Variants in MYRIP observed in about 807,000 individuals in gnomAD.
MYRIP encodes rab effector MyRIP.
MYRIP carries 49 observed loss-of-function variants against 98.0 expected under a neutral mutation model. That is an observed-to-expected ratio of 0.50 (90% confidence interval 0.40 to 0.63). The LOEUF is 0.63. Among genes scored for constraint, MYRIP ranks in the 30% least tolerant of loss-of-function variants. MYRIP has a pLI of 0.00. For synonymous variants in MYRIP, 404 were observed against 409.5 expected (o/e 0.99, Z 0.16); for missense variants, 1,004 against 1,058.2 (o/e 0.95, Z 0.71).
chr3:40,159,178 A>C (rs983603478), intron 4 of MYRIP, among the ~76,000 whole-genome samples: 2 of 151,782 alleles, frequency 1.3e-5, no homozygotes. Flanking sequence ...GAGCTCTTTT[A>C]GGGCAGGCCT....
chr3:40,244,645 G>A, intron 13 of MYRIP, 38 bp downstream of exon 13: 4 of 1,550,454 alleles, frequency 2.6e-6, no homozygotes, highest in South Asian at 2.5e-5. Flanking sequence ...GGTCCTGCAG[G>A]GTGAAACAGG....
chr3:39,901,999 G>T (rs1220705233), intron 2 of MYRIP, among the ~76,000 whole-genome samples: 1 of 152,102 alleles, frequency 6.6e-6, no homozygotes, highest in Admixed American at 6.5e-5. Context: ...GTGAGAAAGG[G>T]CATGAGTAGA....
At chr3:40,069,610 T>G (rs1948185764) in intron 3 of MYRIP, among the ~76,000 whole-genome samples, 1 of 152,160 alleles carries the variant, frequency 6.6e-6, no homozygotes, top group Admixed American at 6.5e-5. Flanking sequence ...CCCCAGCTCC[T>G]GGCAACTATC....
rs746573780 is a variant in MYRIP at position 40,212,212 on chromosome 3, GTATA to G, written c.1905+2130_1905+2133del. Among the ~76,000 whole-genome samples the G allele has an allele frequency of 4.4e-5, 2 of 45,268 alleles. 1 individual carries two copies. The highest frequency in any genetic ancestry group is 1.2e-4 in the Non-Finnish European group (2 of 16,522). 29.7% of individuals were successfully genotyped at this position (45,268 alleles called of 152,430 possible). A position where few individuals can be genotyped will look rare whatever the true frequency, so the allele number is the denominator to read the frequency against. On this transcript the variant is annotated intron_variant, in intron 11 of 16. Transcript: ENST00000302541. ...TGTATATACATATATATACGTGTGT[GTATA>G]TATATATATACACACACACACACAC...
At chr3:39,854,979 G>A (rs1942242863) in intron 1 of MYRIP, among the ~76,000 whole-genome samples, 1 of 152,206 alleles carries the variant, frequency 6.6e-6, no homozygotes, top group African/African-American at 2.4e-5. Context: ...TTGCAAGGAG[G>A]TGTGTGATGT....
At position 40,184,990 on chromosome 3, in the gene MYRIP, C is replaced by G. The variant is rs141925183; in HGVS notation, c.1027+2617C>G. ...CCCTTGACATGCTAAACTGTCCATG[C>G]CAGCCTCAGAGGTCTTGAGGGATGT... On this transcript the variant is annotated intron_variant, in intron 9 of 16. Coordinates refer to ENST00000302541, the MANE Select transcript of MYRIP (RefSeq NM_015460.4). Among the ~76,000 whole-genome samples, 502 of 152,318 alleles carry G rather than the reference C, an allele frequency of 3.3e-3. 7 individuals carry two copies. Among genetic ancestry groups the G allele is most frequent in the African/African-American group, 0.011 (462 of 41,578 alleles).
intron 2 of MYRIP, among the ~76,000 whole-genome samples, chr3:40,021,727 A>C (rs1436506016): frequency 6.6e-6 from 1 of 152,208 alleles, no homozygotes; most frequent in Non-Finnish European, 1.5e-5. Context: ...GAGTGCTTGT[A>C]CTCAGCCAAA....
chr3:39,987,347 T>A (rs1285163909), intron 2 of MYRIP, among the ~76,000 whole-genome samples: 1 of 152,238 alleles, frequency 6.6e-6, no homozygotes, highest in East Asian at 1.9e-4. Flanking sequence ...TCATTCCTTT[T>A]TATGGCTTCA....
intron 1 of MYRIP, among the ~76,000 whole-genome samples, chr3:39,875,281 CA>C (rs1233966046): frequency 6.6e-6 from 1 of 152,030 alleles, no homozygotes; most frequent in East Asian, 1.9e-4. Context: ...TTGATCCTTT[CA>C]AAAAAGCAGC....
At chr3:39,836,485 G>T (rs1235891230) in intron 1 of MYRIP, among the ~76,000 whole-genome samples, 2 of 152,118 alleles carry the variant, frequency 1.3e-5, no homozygotes, top group African/African-American at 2.4e-5. Flanking sequence ...GTAGATTTTT[G>T]ATATTAGCCC....
chr3:39,809,397 C>G (rs1043240422), upstream of MYRIP, among the ~76,000 whole-genome samples: 1 of 148,946 alleles, frequency 6.7e-6, no homozygotes, highest in African/African-American at 2.4e-5. Context: ...GTGCGCCCCG[C>G]CCCTCCCGGC....
chr3:39,966,212 A>G (rs1351757901), intron 2 of MYRIP, among the ~76,000 whole-genome samples: 1 of 152,142 alleles, frequency 6.6e-6, no homozygotes, highest in Admixed American at 6.6e-5. Context: ...GAGTGTATCT[A>G]TTGCCAAATC....
At chr3:39,960,375 A>G (rs1005443574) in intron 2 of MYRIP, among the ~76,000 whole-genome samples, 1 of 152,172 alleles carries the variant, frequency 6.6e-6, no homozygotes, top group Non-Finnish European at 1.5e-5. Flanking sequence ...CATGAGTCCT[A>G]TTAACAAAAC....
chr3:39,960,643 G>A (rs1214309757), intron 2 of MYRIP, among the ~76,000 whole-genome samples: 2 of 152,114 alleles, frequency 1.3e-5, no homozygotes. Context: ...AATCAAAGCA[G>A]CACTATTGGC....
intron 2 of MYRIP, among the ~76,000 whole-genome samples, chr3:40,041,545 ATTC>A (rs1230048047): frequency 6.6e-6 from 1 of 150,700 alleles, no homozygotes; most frequent in African/African-American, 2.4e-5. Flanking sequence ...AATAGCCTGT[ATTC>A]TTCAAAAATG....
intron 3 of MYRIP, among the ~76,000 whole-genome samples, chr3:40,052,307 G>T (rs1947809460): frequency 6.6e-6 from 1 of 151,938 alleles, no homozygotes; most frequent in Non-Finnish European, 1.5e-5. Context: ...TCTGTGCCTG[G>T]ATTATTTCAC....
chr3:39,815,039 T>A (rs1940852883), intron 1 of MYRIP, among the ~76,000 whole-genome samples: 1 of 152,210 alleles, frequency 6.6e-6, no homozygotes, highest in Non-Finnish European at 1.5e-5. Context: ...AATTCACTCA[T>A]TGAAAGTTTA....
chr3:39,887,774 G>C (rs962599017), intron 1 of MYRIP, among the ~76,000 whole-genome samples: 1 of 151,948 alleles, frequency 6.6e-6, no homozygotes, highest in Non-Finnish European at 1.5e-5. Context: ...TATATCTAGA[G>C]AACCCCATTG....
At chr3:39,928,476 A>C (rs1051275056) in intron 2 of MYRIP, among the ~76,000 whole-genome samples, 5 of 151,980 alleles carry the variant, frequency 3.3e-5, no homozygotes, top group African/African-American at 9.7e-5. Context: ...AAAGAGTTAT[A>C]CACTATGAGC....
Sources: gnomAD v4.1 joint callset for allele counts (sites outside exome capture counted in the v4.1 genomes callset) on GRCh38, gnomAD v4.1.1 for gene constraint, MANE v1.5 for transcripts, NCBI Gene and HGNC (gene_info 2026-07-23, HGNC 2026-07-21) for gene names.